Variants in VTI1A observed in about 807,000 individuals in gnomAD.
VTI1A encodes vesicle transport through interaction with t-SNAREs 1A, also known as vesicle transport through interaction with t-SNAREs homolog 1A.
Under a neutral mutation model 34.9 loss-of-function variants are expected in VTI1A, and 22 were observed. The ratio of observed to expected loss-of-function variants is 0.63; its 90% confidence interval spans 0.45 to 0.90. The LOEUF (loss-of-function observed/expected upper bound fraction) is 0.90. Ranked by LOEUF, VTI1A falls within the 40% of genes least tolerant of loss-of-function variation. The probability of loss-of-function intolerance (pLI) is 0.00; values close to 1 mark genes in which losing one functional copy is unlikely to be tolerated. For missense variants in VTI1A, 268 were observed against 275.6 expected, an observed-to-expected ratio of 0.97 and a Z score of 0.20; for synonymous variants, 87 against 97.3, an observed-to-expected ratio of 0.89 and a Z score of 0.62.
At chr10:112,777,745 T>C (rs1411358132) in intron 7 of VTI1A, among the ~76,000 whole-genome samples, 1 of 152,198 alleles carries the variant, frequency 6.6e-6, no homozygotes, top group Non-Finnish European at 1.5e-5. Context: ...ACTAAGGAAG[T>C]GCTGCAGTGA....
intron 7 of VTI1A, among the ~76,000 whole-genome samples, chr10:112,808,174 C>T (rs1853153585): frequency 6.6e-6 from 1 of 152,052 alleles, no homozygotes; most frequent in African/African-American, 2.4e-5. Flanking sequence ...GCTGTGATTG[C>T]ACCACTGCCC....
At chr10:112,614,879 G>C (rs1845458763) in intron 5 of VTI1A, among the ~76,000 whole-genome samples, 1 of 152,172 alleles carries the variant, frequency 6.6e-6, no homozygotes, top group South Asian at 2.1e-4. Flanking sequence ...TCACAGATGA[G>C]AATAGGGACA....
chr10:112,614,184 C>A (rs1845428100), intron 5 of VTI1A, among the ~76,000 whole-genome samples: 1 of 152,168 alleles, frequency 6.6e-6, no homozygotes, highest in South Asian at 2.1e-4. Context: ...TCATTTGTAC[C>A]TGTGCCATGC....
intron 5 of VTI1A, among the ~76,000 whole-genome samples, chr10:112,554,859 T>C (rs1360637418): frequency 6.6e-6 from 1 of 152,116 alleles, no homozygotes; most frequent in Non-Finnish European, 1.5e-5. Flanking sequence ...TACTTCACTG[T>C]TGAAAGGGTC....
chr10:112,487,185 A>T (rs1848668872), intron 3 of VTI1A, among the ~76,000 whole-genome samples: 2 of 152,148 alleles, frequency 1.3e-5, no homozygotes. Context: ...GTGAGGTGGC[A>T]TGATCTTGCC....
intron 7 of VTI1A, among the ~76,000 whole-genome samples, chr10:112,759,078 C>T (rs1228261259): frequency 6.6e-6 from 1 of 152,166 alleles, no homozygotes; most frequent in East Asian, 1.9e-4. Context: ...CCTCCCTACC[C>T]CAGCCGGCTA....
intron 5 of VTI1A, among the ~76,000 whole-genome samples, chr10:112,586,616 T>G (rs1477873164): frequency 1.3e-5 from 2 of 152,176 alleles, no homozygotes; most frequent in South Asian, 4.1e-4. Context: ...CTTATCTCTT[T>G]TTGTCCTCTC....
downstream of VTI1A, among the ~76,000 whole-genome samples, chr10:112,821,165 C>T (rs921311182): frequency 2.0e-5 from 3 of 152,350 alleles, no homozygotes; most frequent in South Asian, 2.1e-4. Flanking sequence ...TCCATGAACT[C>T]GCGCACCCCC....
chr10:112,785,420 G>C (rs1852254903), intron 7 of VTI1A, among the ~76,000 whole-genome samples: 1 of 152,062 alleles, frequency 6.6e-6, no homozygotes, highest in South Asian at 2.1e-4. Context: ...CCTTTTTTTG[G>C]ATATATGATT....
chr10:112,505,840 A>T (rs1421151266), intron 3 of VTI1A, among the ~76,000 whole-genome samples: 2 of 152,030 alleles, frequency 1.3e-5, no homozygotes, highest in East Asian at 3.8e-4. Flanking sequence ...CACCTGGCTA[A>T]TTTAAATCAC....
Position 112,464,540 on chromosome 10 carries a change from C to T in VTI1A, c.154-7C>T. ...TTTTAAATCACATTTTTCTTTCCCT[C>T]TTCTAGCTTGAACAGATGGATTTGG... On this transcript the variant is annotated splice_region_variant and splice_polypyrimidine_tract_variant and intron_variant, in intron 2 of 7. Coordinates refer to ENST00000393077, the MANE Select transcript of VTI1A (RefSeq NM_145206.4). 2 of 1,608,586 alleles carry T rather than the reference C, an allele frequency of 1.2e-6. No homozygotes were observed. The highest frequency in any genetic ancestry group is 8.5e-7 in the Non-Finnish European group (1 of 1,176,566).
rs140745951 is a variant in VTI1A, at chr10:112,557,665, C to T, written c.427+19335C>T. On this transcript the variant is annotated intron_variant, in intron 5 of 7. Coordinates refer to ENST00000393077, the MANE Select transcript of VTI1A (RefSeq NM_145206.4). ...GGAACAAATTATATATATATATTCA[C>T]ACTTGGACAATTGTTATCATTTCAA... 5.3e-5 allele frequency among the ~76,000 whole-genome samples: 8 copies of T among 152,294 alleles called. No homozygotes were observed. In the East Asian group the frequency reaches 1.5e-3, roughly 29 times the overall value.
At chr10:112,535,141 A>C (rs949090223) in intron 4 of VTI1A, among the ~76,000 whole-genome samples, 2 of 152,166 alleles carry the variant, frequency 1.3e-5, no homozygotes, top group Non-Finnish European at 2.9e-5. Context: ...TTATGCCTGT[A>C]GCAGCAGTTT....
intron 3 of VTI1A, among the ~76,000 whole-genome samples, chr10:112,522,158 C>G (rs977471373): frequency 2.6e-5 from 4 of 151,940 alleles, no homozygotes; most frequent in African/African-American, 9.7e-5. Flanking sequence ...ATAACAGGAG[C>G]AGTTAAATTC....
intron 7 of VTI1A, among the ~76,000 whole-genome samples, chr10:112,814,218 A>G (rs913237165): frequency 6.6e-6 from 1 of 152,146 alleles, no homozygotes; most frequent in East Asian, 1.9e-4. Context: ...GCTCCTCCCC[A>G]TGGAAGACCC....
intron 3 of VTI1A, among the ~76,000 whole-genome samples, chr10:112,518,552 TCTCTCTC>T (rs1849872553): frequency 1.1e-4 from 1 of 8,864 alleles, no homozygotes; most frequent in Non-Finnish European, 1.8e-4. Flanking sequence ...TCTCTTTCTC[TCTCTCTC>T]TCTCTCTCTC....
intron 7 of VTI1A, among the ~76,000 whole-genome samples, chr10:112,729,228 G>GTGTT (rs1850158308): frequency 6.6e-6 from 1 of 151,556 alleles, no homozygotes; most frequent in Non-Finnish European, 1.5e-5. Flanking sequence ...GACCAAAAGT[G>GTGTT]TGTTTCTCTT....
At chr10:112,776,677 A>ATT (rs1161945456) in intron 7 of VTI1A, among the ~76,000 whole-genome samples, 12,079 of 131,258 alleles carry the variant, frequency 0.092, 772 homozygotes, top group African/African-American at 0.14. Flanking sequence ...GGCTGACTTA[A>ATT]TTTTTTTTTT....
chr10:112,849,602 A>G, the VTI1A span, among the ~76,000 whole-genome samples: 1 of 152,200 alleles, frequency 6.6e-6, no homozygotes, highest in Non-Finnish European at 1.5e-5. Flanking sequence ...TGAGGAAGGA[A>G]TTACCCCTCT....
Sources: gnomAD v4.1 joint callset for allele counts (sites outside exome capture counted in the v4.1 genomes callset) on GRCh38, gnomAD v4.1.1 for gene constraint, MANE v1.5 for transcripts, NCBI Gene and HGNC (gene_info 2026-07-23, HGNC 2026-07-21) for gene names.